The following STS variants were observed in gnomAD, a reference collection of about 807,000 sequenced individuals.
STS encodes steroid sulfatase.
In STS, 7 loss-of-function variants were observed where a neutral mutation model predicts 26.8. The ratio of observed to expected loss-of-function variants is 0.26; its 90% CI spans 0.15 to 0.49. The LOEUF is 0.49. Among genes scored for constraint, STS ranks in the 20% least tolerant of loss-of-function variants. STS has a pLI of 0.98. For missense variants in STS, 434 were observed against 465.6 expected (o/e 0.93, Z 0.63); for synonymous variants, 199 against 189.4 (o/e 1.05, Z -0.42).
chrX:7,232,344 C>T (rs755077191), intron 2 of STS, among the ~76,000 whole-genome samples: 1 of 111,947 alleles, frequency 8.9e-6, no homozygotes, highest in Non-Finnish European at 1.9e-5. Flanking sequence ...AGTGCATTAG[C>T]GTTAGCAAAA....
In STS at chrX:7,200,954, GTGGA is replaced by G. The variant is rs201826140; in HGVS notation, c.-5+9977_-5+9980del. Among the ~76,000 whole-genome samples, 465 of 107,458 alleles carry G rather than the reference GTGGA, an allele frequency of 4.3e-3. 3 individuals carry two copies. The highest frequency in any genetic ancestry group is 0.013 in the East Asian group (45 of 3,369). 93.3% of individuals were successfully genotyped at this position (107,458 alleles called of 115,157 possible). A position where few individuals can be genotyped will look rare whatever the true frequency, so the allele number is the denominator to read the frequency against. On this transcript the variant is annotated intron_variant, in intron 2 of 10. Transcript: ENST00000674429. Reference sequence around the variant, plus strand: ...ATAAAACCATAAACTGGTTAGATGGGTGGATGGATGGATGGATGGATGGATGGAT... The same window carrying G: ...ATAAAACCATAAACTGGTTAGATGGGTGGATGGATGGATGGATGGATGGAT...
intron 2 of STS, among the ~76,000 whole-genome samples, chrX:7,229,935 C>G (rs1412491082): frequency 9.0e-6 from 1 of 110,698 alleles, no homozygotes; most frequent in Non-Finnish European, 1.9e-5. Context: ...CTGCAGTGCA[C>G]TGGTGTGATC....
At chrX:7,176,949 G>T (rs767651332) in intron 1 of STS, among the ~76,000 whole-genome samples, 4 of 111,567 alleles carry the variant, frequency 3.6e-5, no homozygotes, top group African/African-American at 3.3e-5. Context: ...GTCATTTTCT[G>T]CAAACCTCTG....
At chrX:7,194,877 C>A (rs1419464745) in intron 2 of STS, among the ~76,000 whole-genome samples, 2 of 111,756 alleles carry the variant, frequency 1.8e-5, no homozygotes, top group East Asian at 5.7e-4. Context: ...TATACTCACA[C>A]AAACCTACTA....
intron 1 of STS, among the ~76,000 whole-genome samples, chrX:7,186,510 C>T (rs73627538): frequency 2.7e-3 from 298 of 111,476 alleles, no homozygotes; most frequent in African/African-American, 9.1e-3. Context: ...CTAATATCCC[C>T]CTGAGTCCTC....
chrX:7,166,754 G>A (rs1226578552), intron 1 of STS, among the ~76,000 whole-genome samples: 1 of 111,524 alleles, frequency 9.0e-6, no homozygotes, highest in African/African-American at 3.3e-5. Flanking sequence ...TTTTTCAGTT[G>A]CATATGTGGG....
chrX:7,196,827 G>T (rs1933979179), intron 2 of STS, among the ~76,000 whole-genome samples: 1 of 111,209 alleles, frequency 9.0e-6, no homozygotes, highest in South Asian at 3.8e-4. Context: ...CTGGTAGTCT[G>T]CCTGTATCCA....
rs184817599 is a variant in STS, at chrX:7,216,760, G to C, written c.-5+25752G>C. Among the ~76,000 whole-genome samples the C allele has an allele frequency of 2.1e-4, 24 of 111,796 alleles. No individual in the cohort carries two copies. In the East Asian group the frequency reaches 6.5e-3, roughly 30 times the overall value. On this transcript the variant is annotated intron_variant, in intron 2 of 10. Transcript: ENST00000674429. ...TCAGCTAACTTATAACTGTTTATAA[G>C]ACAAAGAATTAGGATTTAGAGGGTC...
chrX:7,326,371 G>C (rs1490246058), intron 9 of STS, among the ~76,000 whole-genome samples: 4 of 111,276 alleles, frequency 3.6e-5, no homozygotes, highest in Non-Finnish European at 7.5e-5. Flanking sequence ...TTGGTCTTTC[G>C]GCATCGTGCT....
In STS at chrX:7,340,191, C is replaced by T. The variant is rs1361589500; in HGVS notation, c.1363+6084C>T. 2.9e-4 allele frequency among the ~76,000 whole-genome samples: 32 copies of T among 110,716 alleles called. 2 individuals are homozygous for T. The highest frequency in any genetic ancestry group is 1.9e-5 in the Non-Finnish European group (1 of 52,985). On this transcript the variant is annotated intron_variant, in intron 10 of 10. Coordinates refer to ENST00000674429, the MANE Select transcript of STS (RefSeq NM_001320752.2). Reference sequence around the variant, plus strand: ...TTCTGATCTTTTCCCCTTGCATTCTCCGTCCTACCGTTTCATTGATTTTCT... The same window carrying T: ...TTCTGATCTTTTCCCCTTGCATTCTTCGTCCTACCGTTTCATTGATTTTCT...
At chrX:7,149,812 T>A (rs1932973974) in intron 1 of STS, among the ~76,000 whole-genome samples, 1 of 111,645 alleles carries the variant, frequency 9.0e-6, no homozygotes, top group South Asian at 3.8e-4. Flanking sequence ...TATCTTGTCC[T>A]ATCGTCTTCC....
At chrX:7,323,254 G>T (rs1927141394) in intron 8 of STS, among the ~76,000 whole-genome samples, 1 of 109,862 alleles carries the variant, frequency 9.1e-6, no homozygotes, top group Non-Finnish European at 1.9e-5. Context: ...TAGATTCAGT[G>T]GGTACGTGTG....
chrX:7,323,349 G>C (rs1424502831), intron 8 of STS, among the ~76,000 whole-genome samples: 1 of 110,665 alleles, frequency 9.0e-6, no homozygotes, highest in African/African-American at 3.3e-5. Context: ...CATAGTACCT[G>C]ATAGTTTTTC....
chrX:7,300,722 C>T (rs762208770), intron 7 of STS, among the ~76,000 whole-genome samples: 17 of 111,307 alleles, frequency 1.5e-4, no homozygotes, highest in African/African-American at 5.2e-4. Context: ...TTCTCTTGTA[C>T]TAATCCCAGC....
At chrX:7,320,342 A>C (rs990059143) in intron 8 of STS, among the ~76,000 whole-genome samples, 7 of 108,940 alleles carry the variant, frequency 6.4e-5, no homozygotes, top group African/African-American at 2.0e-4. Context: ...CAGCTTTCCC[A>C]TTAATGCCCT....
chrX:7,205,719 C>A (rs1934209493), intron 2 of STS, among the ~76,000 whole-genome samples: 1 of 101,872 alleles, frequency 9.8e-6, no homozygotes, highest in Non-Finnish European at 2.0e-5. Context: ...GTGATGCGAT[C>A]ATAGCAATCT....
chrX:7,278,894 A>G (rs1327263964), intron 7 of STS, among the ~76,000 whole-genome samples: 2 of 111,756 alleles, frequency 1.8e-5, no homozygotes, highest in Non-Finnish European at 3.8e-5. Context: ...AGATTGATTC[A>G]TAGGAGAAAA....
chrX:7,237,296 C>A (rs1922367672), intron 2 of STS, among the ~76,000 whole-genome samples: 1 of 108,695 alleles, frequency 9.2e-6, no homozygotes, highest in Non-Finnish European at 1.9e-5. Context: ...AACATGCACA[C>A]ACACACAAAC....
chrX:7,336,239 G>GCGGGGGC (rs1928017511), intron 10 of STS, among the ~76,000 whole-genome samples: 1 of 88,761 alleles, frequency 1.1e-5, no homozygotes. Flanking sequence ...ACCTAGGACT[G>GCGGGGGC]CCCCCCCCAC....
Sources: gnomAD v4.1 joint callset for allele counts (sites outside exome capture counted in the v4.1 genomes callset) on GRCh38, gnomAD v4.1.1 for gene constraint, MANE v1.5 for transcripts, NCBI Gene and HGNC (gene_info 2026-07-23, HGNC 2026-07-21) for gene names.